LRCH4: variants seen among roughly 807,000 people sequenced by gnomAD.
The protein encoded by LRCH4 is leucine rich repeats and calponin homology domain containing 4.
A neutral mutation model predicts 81.2 loss-of-function variants in LRCH4; 56 were observed. The observed-to-expected ratio is 0.69, with a 90% confidence interval of 0.56 to 0.86. The LOEUF (loss-of-function observed/expected upper bound fraction) is 0.86, where lower values mean the gene tolerates loss of function less well. LRCH4 is among the 40% of genes least tolerant of loss of function. LRCH4 has a pLI of 0.00. For synonymous variants in LRCH4, 442 were observed against 409.7 expected (o/e 1.08, Z -0.95); for missense variants, 895 against 922.8 (o/e 0.97, Z 0.39).
chr7:100,577,051 G>C lies in LRCH4; in HGVS notation c.1364+35C>G, dbSNP rs1228335612. The C allele has an allele frequency of 6.2e-7, 1 of 1,614,092 alleles. No individual in the cohort carries two copies. The highest frequency in any genetic ancestry group is 1.1e-5 in the South Asian group (1 of 91,088). On this transcript the variant is annotated intron_variant, in intron 12 of 17. Transcript: ENST00000310300. This position sits in a 1 kb window ranked among gnomAD's most constrained non-coding sequence, Gnocchi z 6.7. ...ATTAGAGGGATGATGGTCATAGGAA[G>C]AGGAGTGGGGAGGGGATGCTGGCAG...
At chr7:100,576,346 G>T in intron 14 of LRCH4, 23 bp from the exon 15 acceptor site, 2 of 1,570,940 alleles carry the variant, frequency 1.3e-6, no homozygotes, top group Non-Finnish European at 1.8e-6. Context: ...GGGGGGCATG[G>T]GGCTGCCTCC....
In LRCH4 at chr7:100,574,789, A is replaced by C; in HGVS notation, c.*318T>G. On this transcript the variant is annotated 3_prime_UTR_variant, in exon 18 of 18. Coordinates refer to ENST00000310300, the MANE Select transcript of LRCH4 (RefSeq NM_002319.5). ...TAGCAGCTGTTGGGGGGGGAAGGGG[A>C]GGGCACAGGAGGAAGGGGGAGACTC... is the stretch of plus-strand genomic sequence containing the variant. 1 of 300,792 alleles carries C rather than the reference A, an allele frequency of 3.3e-6. No individual in the cohort carries two copies. The highest frequency in any genetic ancestry group is 6.2e-6 in the Non-Finnish European group (1 of 160,274). 18.6% of individuals were successfully genotyped at this position (300,792 alleles called of 1,614,324 possible).
At chr7:100,585,749 A>T in intron 1 of LRCH4, 132 bp downstream of exon 1, 1 of 911,830 alleles carries the variant, frequency 1.1e-6, no homozygotes, top group Non-Finnish European at 1.6e-6. Context: ...CTGCAGGTTT[A>T]GGGCAATCAG....
In LRCH4 at chr7:100,575,205, G is replaced by T. The variant is rs1801307751; in HGVS notation, c.1954C>A (p.Pro652Thr). The change falls in exon 18 of 18, where the codon CCC (proline) becomes ACC (threonine). Residue 652 changes from proline to threonine, a missense_variant. By Grantham distance (38) the Pro-to-Thr change is conservative. This residue lies in a region of LRCH4 where 529 missense variants were observed against 504.9 expected (regional missense o/e 1.05). Coordinates refer to ENST00000310300, the MANE Select transcript of LRCH4 (RefSeq NM_002319.5). This position sits in a 1 kb window ranked among gnomAD's most constrained non-coding sequence, Gnocchi z 5.3. ...VKRVGGKALP[P>T]LWPPSGLGGF... ...CCCAGACCAGAGGGGGGCCAGAGGG[G>T]CGGTAGGGCCTTGCCCCCCACCCGC... 3.1e-6 allele frequency: 5 copies of T among 1,611,956 alleles called. No individual in the cohort carries two copies. The highest frequency in any genetic ancestry group is 3.4e-6 in the Non-Finnish European group (4 of 1,179,110).
rs1449168673 is a variant in LRCH4, at chr7:100,577,266, G to C, written c.1295+7C>G. The C allele has an allele frequency of 2.5e-6, 4 of 1,602,358 alleles. No homozygotes were observed. Among genetic ancestry groups the C allele is most frequent in the Non-Finnish European group, 3.4e-6 (4 of 1,178,966 alleles). On this transcript the variant is annotated splice_region_variant and intron_variant, in intron 11 of 17. Transcript: ENST00000310300. The surrounding 1 kb of genome is among the most constrained non-coding windows in gnomAD (Gnocchi z 6.7). ...CAGCAACAGCCCCGGGCGGCCCTGG[G>C]TCCCACCTATCCTTCCTCGGGGCCC...
Position 100,577,406 on chromosome 7 carries a change from G to A in LRCH4, c.1179-17C>T, listed in dbSNP as rs897085699. On this transcript the variant is annotated splice_polypyrimidine_tract_variant and intron_variant, in intron 10 of 17. Transcript: ENST00000310300. This position sits in a 1 kb window ranked among gnomAD's most constrained non-coding sequence, Gnocchi z 6.7. Reference sequence around the variant, plus strand: ...TCCTCCCGCCTGAGGGACCAAGACAGGGCAAGAGGGGCAGACCCCGGGGTC... The same window carrying A: ...TCCTCCCGCCTGAGGGACCAAGACAAGGCAAGAGGGGCAGACCCCGGGGTC... 1 of 1,600,126 alleles carries A rather than the reference G, an allele frequency of 6.2e-7. No individual in the cohort carries two copies. The highest frequency in any genetic ancestry group is 8.5e-7 in the Non-Finnish European group (1 of 1,179,510).
Position 100,578,330 on chromosome 7 carries a change from G to A in LRCH4, c.848+69C>T, listed in dbSNP as rs779694012. 221 of 1,599,862 alleles carry A rather than the reference G, an allele frequency of 1.4e-4. No individual in the cohort carries two copies. The highest frequency in any genetic ancestry group is 1.8e-4 in the Non-Finnish European group (210 of 1,167,410). Reference sequence around the variant, plus strand: ...CCCCCCATCCTCCTGCCAGAAAGCAGGGGGTGCCTGGGGCCGGGAAGGGGC... The same window carrying A: ...CCCCCCATCCTCCTGCCAGAAAGCAAGGGGTGCCTGGGGCCGGGAAGGGGC... On this transcript the variant is annotated intron_variant, in intron 6 of 17. Transcript: ENST00000310300. The surrounding 1 kb of genome is among the most constrained non-coding windows in gnomAD (Gnocchi z 5.7).
chr7:100,582,462 G>T lies in LRCH4; in HGVS notation c.221-3C>A, dbSNP rs1444661214. 2 of 1,606,298 alleles carry T rather than the reference G, an allele frequency of 1.2e-6. No homozygotes were observed. Among genetic ancestry groups the T allele is most frequent in the African/African-American group, 1.3e-5 (1 of 75,032 alleles). On this transcript the variant is annotated splice_polypyrimidine_tract_variant and splice_region_variant and intron_variant, in intron 1 of 17. Transcript: ENST00000310300. This position sits in a 1 kb window ranked among gnomAD's most constrained non-coding sequence, Gnocchi z 5.0. ...GGGAAACCGGTTCCGGGACAGGTCTGGGGAAAAGGAGGTGTCGGGGAGAGT... is the reference window on the plus strand; with the variant it reads ...GGGAAACCGGTTCCGGGACAGGTCTTGGGAAAAGGAGGTGTCGGGGAGAGT...
Position 100,575,130 on chromosome 7 carries a change from A to C in LRCH4, c.2029T>G (p.Tyr677Asp), listed in dbSNP as rs1801303570. 6.2e-7 allele frequency: 1 copy of C among 1,611,844 alleles called. No individual in the cohort carries two copies. Reference sequence around the variant, plus strand: ...GCCTAGGAACCCAGGAGCCGAGTGTAGGTGACATAGAGCAGCAGCATGAGG... The same window carrying C: ...GCCTAGGAACCCAGGAGCCGAGTGTCGGTGACATAGAGCAGCAGCATGAGG... Reference protein sequence around the residue: ...VVLMLLLYVTYTRLLGS With the variant: ...VVLMLLLYVTDTRLLGS The change falls in exon 18 of 18, where the codon TAC (tyrosine) becomes GAC (aspartate). Residue 677 changes from tyrosine to aspartate, a missense_variant. Around this residue, in one of 3 missense-constraint regions of LRCH4, gnomAD observed 529 missense variants for 504.9 expected, o/e 1.05. Coordinates refer to ENST00000310300, the MANE Select transcript of LRCH4 (RefSeq NM_002319.5). The surrounding 1 kb of genome is among the most constrained non-coding windows in gnomAD (Gnocchi z 5.3).
rs1801445289 is a variant in LRCH4 at position 100,578,614 on chromosome 7, C to A, written c.735+36G>T. ...CCAACCCCACTCCTGCCTAGCCACA[C>A]CCCTGTCCTCGTGGCCCCCCAGGCA... On this transcript the variant is annotated intron_variant, in intron 5 of 17. Transcript: ENST00000310300. The surrounding 1 kb of genome is among the most constrained non-coding windows in gnomAD (Gnocchi z 5.7). The A allele has an allele frequency of 1.2e-6, 2 of 1,608,538 alleles. No homozygotes were observed. The highest frequency in any genetic ancestry group is 2.2e-5 in the East Asian group (1 of 44,816).
At position 100,586,090 on chromosome 7, in the gene LRCH4, G is replaced by A; in HGVS notation, c.11C>T (p.Ala4Val). Residue 4 changes from alanine (A) to valine (V), a missense_variant, in exon 1 of 18, where the codon GCC becomes GTC. Ala to Val is a moderately conservative substitution (Grantham distance 64). Around this residue, in one of 3 missense-constraint regions of LRCH4, gnomAD observed 360 missense variants for 397.0 expected, o/e 0.91. Transcript: ENST00000310300. ...CCCGGCGGCGAGTGGAGCCGCTACG[G>A]CCGCCGCCATCCGCTCCCGGCGGCT... MAAAVAAPLAAGGE... is the reference protein window; with the variant it reads MAAVVAAPLAAGGE... 1 of 1,528,538 alleles carries A rather than the reference G, an allele frequency of 6.5e-7. No individual in the cohort carries two copies. Among genetic ancestry groups the A allele is most frequent in the South Asian group, 1.2e-5 (1 of 83,040 alleles). The allele number at this position is 1,528,538 out of a possible 1,614,324, so 94.7% of individuals were successfully genotyped here. A position where few individuals can be genotyped will look rare whatever the true frequency, so the allele number is the denominator to read the frequency against.
intron 1 of LRCH4, among the ~76,000 whole-genome samples, chr7:100,584,404 C>T (rs1208085857): frequency 6.6e-6 from 1 of 151,760 alleles, no homozygotes; most frequent in Non-Finnish European, 1.5e-5. Flanking sequence ...GCACCCTGAG[C>T]CGGAATGCTG....
chr7:100,584,424 G>A (rs1801656553), intron 1 of LRCH4, among the ~76,000 whole-genome samples: 3 of 152,010 alleles, frequency 2.0e-5, no homozygotes, highest in Admixed American at 2.0e-4. Flanking sequence ...GGGGGAGGAG[G>A]GGGCCGGGGG....
Position 100,576,786 on chromosome 7 carries a change from G to C in LRCH4, c.1469-9C>G. On this transcript the variant is annotated splice_polypyrimidine_tract_variant and intron_variant, in intron 13 of 17. Coordinates refer to ENST00000310300, the MANE Select transcript of LRCH4 (RefSeq NM_002319.5). ...TGGAGCAGGTGCTGTCGCTGGGGCCGGAACCAGGGACACAGCGACAGGGGC... is the reference window on the plus strand; with the variant it reads ...TGGAGCAGGTGCTGTCGCTGGGGCCCGAACCAGGGACACAGCGACAGGGGC... 1 of 1,581,170 alleles carries C rather than the reference G, an allele frequency of 6.3e-7. No individual in the cohort carries two copies. Among genetic ancestry groups the C allele is most frequent in the African/African-American group, 1.3e-5 (1 of 74,456 alleles).
At chr7:100,584,224 T>TC (rs1432201636) in intron 1 of LRCH4, 1 of 456,524 alleles carries the variant, frequency 2.2e-6, no homozygotes, top group South Asian at 1.5e-5. Flanking sequence ...TATGTTTTTG[T>TC]CACTTCCCCT....
Position 100,582,247 on chromosome 7 carries a change from G to A in LRCH4, c.365+68C>T. ...TGCCATCCTCTCGGGGTCACTGGGT[G>A]GGTCACTCAGTAGTACTTGAGACTG... On this transcript the variant is annotated intron_variant, in intron 2 of 17. Coordinates refer to ENST00000310300, the MANE Select transcript of LRCH4 (RefSeq NM_002319.5). The surrounding 1 kb of genome is among the most constrained non-coding windows in gnomAD (Gnocchi z 5.0). The A allele has an allele frequency of 1.2e-6, 2 of 1,613,420 alleles. No homozygotes were observed. The highest frequency in any genetic ancestry group is 1.1e-5 in the South Asian group (1 of 91,046).
chr7:100,585,816 C>CG lies in LRCH4; in HGVS notation c.220+64dup, dbSNP rs945742755. The stretch of plus-strand genomic sequence containing the variant: ...GGGCGGGCCCGACTCCCGGGCCGGG[C>CG]GGGGCCCGGGGTGGGGCTATGCAAA... On this transcript the variant is annotated intron_variant, in intron 1 of 17. Transcript: ENST00000310300. The CG allele has an allele frequency of 3.5e-6, 5 of 1,439,382 alleles. No homozygotes were observed. In the African/African-American group the frequency reaches 7.4e-5, roughly 21 times the overall value. The allele number at this position is 1,439,382 out of a possible 1,614,324, so 89.2% of individuals were successfully genotyped here.
In LRCH4 at chr7:100,575,194, G is replaced by C; in HGVS notation, c.1965C>G (p.Pro655=). ...VGGKALPPLW[P]PSGLGGFVVF... Reference sequence around the variant, plus strand: ...CGACGAAGCCGCCCAGACCAGAGGGGGGCCAGAGGGGCGGTAGGGCCTTGC... The same window carrying C: ...CGACGAAGCCGCCCAGACCAGAGGGCGGCCAGAGGGGCGGTAGGGCCTTGC... Residue 655 remains proline, a synonymous_variant, in exon 18 of 18, where the codon CCC becomes CCG. Transcript: ENST00000310300. The surrounding 1 kb of genome is among the most constrained non-coding windows in gnomAD (Gnocchi z 5.3). 1 of 1,612,724 alleles carries C rather than the reference G, an allele frequency of 6.2e-7. No individual in the cohort carries two copies. The highest frequency in any genetic ancestry group is 8.5e-7 in the Non-Finnish European group (1 of 1,179,442).
chr7:100,578,864 C>G lies in LRCH4; in HGVS notation c.599-78G>C. The G allele has an allele frequency of 1.3e-6, 2 of 1,509,506 alleles. No homozygotes were observed. Among genetic ancestry groups the G allele is most frequent in the Non-Finnish European group, 1.8e-6 (2 of 1,111,792 alleles). 93.5% of individuals were successfully genotyped at this position (1,509,506 alleles called of 1,614,324 possible). On this transcript the variant is annotated intron_variant, in intron 4 of 17. Coordinates refer to ENST00000310300, the MANE Select transcript of LRCH4 (RefSeq NM_002319.5). This position sits in a 1 kb window ranked among gnomAD's most constrained non-coding sequence, Gnocchi z 5.7. The stretch of plus-strand genomic sequence containing the variant: ...CGTGCTCACTCCCTCACCCTTGGCT[C>G]CAGCTGGCCAGTCACCCTGGGCCCA...
Sources: allele counts gnomAD v4.1 joint callset (sites outside exome capture counted in the v4.1 genomes callset), GRCh38; gene constraint gnomAD v4.1.1; regional missense constraint gnomAD v4.1.1; non-coding constraint Gnocchi (gnomAD v3.1); transcripts MANE v1.5; gene names NCBI Gene and HGNC (gene_info 2026-07-23, HGNC 2026-07-21).